SPAG16: variants seen among roughly 807,000 people sequenced by gnomAD.
SPAG16 encodes sperm-associated antigen 16 protein.
Under a neutral mutation model 80.4 loss-of-function variants are expected in SPAG16, and 86 were observed. The observed-to-expected ratio is 1.07, with a 90% CI of 0.90 to 1.28. SPAG16 has a LOEUF of 1.28. Ranked by LOEUF, SPAG16 falls within the 50% of genes most tolerant of loss-of-function variation. SPAG16 has a pLI of 0.00. For missense variants in SPAG16, 870 were observed against 765.3 expected, an observed-to-expected ratio of 1.14 and a Z score of -1.61; for synonymous variants, 294 against 265.9, an observed-to-expected ratio of 1.11 and a Z score of -1.03.
chr2:214,403,045 CAAAA>C, intron 15 of SPAG16, among the ~76,000 whole-genome samples: 1 of 66,666 alleles, frequency 1.5e-5, no homozygotes, highest in Admixed American at 1.7e-4. Flanking sequence ...GGAGCCAATC[CAAAA>C]AAAAAAAAAA....
At chr2:214,012,611 A>T (rs1477087390) in intron 12 of SPAG16, among the ~76,000 whole-genome samples, 1 of 151,816 alleles carries the variant, frequency 6.6e-6, no homozygotes, top group South Asian at 2.1e-4. Context: ...ACTGATTATT[A>T]TATTAGGAAT....
intron 7 of SPAG16, among the ~76,000 whole-genome samples, chr2:213,357,615 C>T (rs1168858175): frequency 6.6e-6 from 1 of 152,064 alleles, no homozygotes; most frequent in East Asian, 1.9e-4. Context: ...CTTGGTAGCT[C>T]TTCCTTCATC....
chr2:213,523,826 A>G (rs2075780109), intron 10 of SPAG16, among the ~76,000 whole-genome samples: 1 of 152,234 alleles, frequency 6.6e-6, no homozygotes, highest in South Asian at 2.1e-4. Flanking sequence ...TAGATGACTT[A>G]CAGTGTCTAG....
At chr2:214,077,284 C>T (rs942558166) in intron 13 of SPAG16, among the ~76,000 whole-genome samples, 1 of 152,080 alleles carries the variant, frequency 6.6e-6, no homozygotes, top group Non-Finnish European at 1.5e-5. Context: ...AGAGGATGTC[C>T]CTCACTCTTG....
chr2:213,981,772 G>A (rs539714908), intron 12 of SPAG16, among the ~76,000 whole-genome samples: 51 of 152,044 alleles, frequency 3.4e-4, no homozygotes, highest in African/African-American at 1.2e-3. Context: ...TAGATTATAT[G>A]AAGCTATTCT....
At chr2:214,133,785 A>T (rs577951500) in intron 14 of SPAG16, among the ~76,000 whole-genome samples, 2 of 152,280 alleles carry the variant, frequency 1.3e-5, no homozygotes, top group Admixed American at 6.5e-5. Context: ...TTTGGAGGCA[A>T]ATTTCAACTG....
intron 7 of SPAG16, among the ~76,000 whole-genome samples, chr2:213,360,672 G>A (rs1392649123): frequency 6.6e-6 from 1 of 152,204 alleles, no homozygotes; most frequent in African/African-American, 2.4e-5. Flanking sequence ...TACAGGCATA[G>A]ATTAGCCTTT....
At chr2:213,440,584 A>AAC (rs2070890963) in intron 9 of SPAG16, among the ~76,000 whole-genome samples, 2 of 152,012 alleles carry the variant, frequency 1.3e-5, no homozygotes, top group South Asian at 4.2e-4. Flanking sequence ...CAACAACAAC[A>AAC]AATAGTCAAT....
intron 10 of SPAG16, among the ~76,000 whole-genome samples, chr2:213,647,469 G>T (rs2062861507): frequency 6.6e-6 from 1 of 152,092 alleles, no homozygotes; most frequent in African/African-American, 2.4e-5. Context: ...TAAGACTCAG[G>T]TCCCGCTGCT....
At chr2:213,557,994 A>G (rs979028371) in intron 10 of SPAG16, among the ~76,000 whole-genome samples, 37 of 152,260 alleles carry the variant, frequency 2.4e-4, no homozygotes, top group African/African-American at 8.4e-4. Context: ...TTTCTGAACG[A>G]TATTTATTTT....
chr2:213,863,411 T>C (rs2075563104), intron 11 of SPAG16, among the ~76,000 whole-genome samples: 1 of 152,188 alleles, frequency 6.6e-6, no homozygotes. Flanking sequence ...CTTTTTTAAA[T>C]CAGTTTTTAT....
At chr2:213,654,336 G>A (rs6435781) in intron 10 of SPAG16, among the ~76,000 whole-genome samples, 3,851 of 149,968 alleles carry the variant, frequency 0.026, 160 homozygotes, top group African/African-American at 0.088. Context: ...TCTAATGGAC[G>A]CTTGAACATC....
At chr2:214,346,638 A>G (rs371439914) in intron 15 of SPAG16, among the ~76,000 whole-genome samples, 222 of 152,312 alleles carry the variant, frequency 1.5e-3, no homozygotes, top group African/African-American at 3.7e-3. Flanking sequence ...AAGGCCATGC[A>G]TTAGCCACAT....
intron 15 of SPAG16, among the ~76,000 whole-genome samples, chr2:214,268,581 C>G (rs16851682): frequency 0.051 from 7,812 of 151,918 alleles, 689 homozygotes; most frequent in African/African-American, 0.18. Context: ...CCAACCATGT[C>G]ATCCAAAAAC....
intron 10 of SPAG16, among the ~76,000 whole-genome samples, chr2:213,594,328 A>G (rs2060812135): frequency 6.6e-6 from 1 of 152,218 alleles, no homozygotes; most frequent in African/African-American, 2.4e-5. Flanking sequence ...AGAGATACCC[A>G]TGACCTACAG....
chr2:213,537,484 A>G (rs1472078455), intron 10 of SPAG16, among the ~76,000 whole-genome samples: 4 of 152,046 alleles, frequency 2.6e-5, no homozygotes, highest in African/African-American at 4.8e-5. Context: ...TAATTTAAAA[A>G]AAAAAAGAAT....
chr2:213,599,834 T>C (rs1287272163), intron 10 of SPAG16, among the ~76,000 whole-genome samples: 1 of 152,172 alleles, frequency 6.6e-6, no homozygotes, highest in Non-Finnish European at 1.5e-5. Context: ...CCCGAGTAGC[T>C]GGGTTTACAG....
intron 10 of SPAG16, among the ~76,000 whole-genome samples, chr2:213,739,502 T>C (rs2067442335): frequency 6.6e-6 from 1 of 152,232 alleles, no homozygotes; most frequent in South Asian, 2.1e-4. Context: ...ACTCTTAATC[T>C]AGGCATACTT....
chr2:213,859,178 C>CAAAAA (rs1165853142), intron 10 of SPAG16, among the ~76,000 whole-genome samples: 377 of 9,374 alleles, frequency 0.04, 156 homozygotes, highest in South Asian at 0.081. Flanking sequence ...CACTCCGTCT[C>CAAAAA]AAAAAAAAAA....
Sources: allele counts gnomAD v4.1 joint callset (sites outside exome capture counted in the v4.1 genomes callset), GRCh38; gene constraint gnomAD v4.1.1; transcripts MANE v1.5; gene names NCBI Gene and HGNC (gene_info 2026-07-23, HGNC 2026-07-21).